SESTD1: variants seen among roughly 807,000 people sequenced by gnomAD.
SESTD1 encodes the protein SEC14 and spectrin domain containing 1.
SESTD1 carries 43 observed loss-of-function variants against 101.7 expected under a neutral mutation model. The observed-to-expected ratio is 0.42, with a 90% CI of 0.33 to 0.55. The LOEUF (loss-of-function observed/expected upper bound fraction) is 0.55, where lower values mean the gene tolerates loss of function less well. Ranked by LOEUF, SESTD1 falls within the 20% of genes least tolerant of loss-of-function variation. SESTD1 has a pLI of 0.07. For missense variants in SESTD1, 647 were observed against 815.1 expected, an observed-to-expected ratio of 0.79 and a Z score of 2.51; for synonymous variants, 283 against 286.8, an observed-to-expected ratio of 0.99 and a Z score of 0.13.
intron 5 of SESTD1, among the ~76,000 whole-genome samples, chr2:179,166,469 C>T (rs2045836869): frequency 6.6e-6 from 1 of 152,168 alleles, no homozygotes; most frequent in African/African-American, 2.4e-5. Context: ...AAAGAAAAGA[C>T]TATCACAGGG....
In SESTD1 at chr2:179,163,738, T is replaced by C. The variant is rs543556231; in HGVS notation, c.369+8382A>G. 5.9e-5 allele frequency among the ~76,000 whole-genome samples: 9 copies of C among 152,186 alleles called. No individual in the cohort carries two copies. In the South Asian group the frequency reaches 1.9e-3, roughly 32 times the overall value. On this transcript the variant is annotated intron_variant, in intron 5 of 17. Transcript: ENST00000428443. ...GCTAGAGAAGTTAAGACAAGACAAA[T>C]TAAATGACTAAACCACAATATTGTA...
chr2:179,164,678 G>C (rs1025902920), intron 5 of SESTD1, among the ~76,000 whole-genome samples: 1 of 152,156 alleles, frequency 6.6e-6, no homozygotes, highest in African/African-American at 2.4e-5. Context: ...AATGAGAGAT[G>C]AATATTCAAT....
intron 17 of SESTD1, among the ~76,000 whole-genome samples, chr2:179,110,388 A>C (rs555210391): frequency 1.3e-5 from 2 of 152,164 alleles, no homozygotes; most frequent in Non-Finnish European, 2.9e-5. Flanking sequence ...GGCTGGGGAC[A>C]CCACTTGTCT....
chr2:179,115,323 G>T, intron 15 of SESTD1, 67 bp from the exon 16 acceptor site: 2 of 1,256,120 alleles, frequency 1.6e-6, no homozygotes, highest in Non-Finnish European at 2.2e-6. Flanking sequence ...GGGAAAGTGT[G>T]CAGGAAGATT....
intron 10 of SESTD1, among the ~76,000 whole-genome samples, chr2:179,125,546 G>C (rs923240529): frequency 6.6e-6 from 1 of 152,184 alleles, no homozygotes. Flanking sequence ...CATCAGAAGG[G>C]TAACGTGCTG....
chr2:179,109,576 C>T lies in SESTD1; in HGVS notation c.*323G>A, dbSNP rs2044462174. On this transcript the variant is annotated 3_prime_UTR_variant, in exon 18 of 18. Transcript: ENST00000428443. Reference sequence around the variant, plus strand: ...TTTTTTCTTTTTAATAGAGAGAATTCCTACTCTTATTAGCACCATTCAAAG... The same window carrying T: ...TTTTTTCTTTTTAATAGAGAGAATTTCTACTCTTATTAGCACCATTCAAAG... The T allele has an allele frequency of 2.5e-6, 1 of 398,042 alleles. No individual in the cohort carries two copies. The highest frequency in any genetic ancestry group is 4.3e-5 in the Admixed American group (1 of 23,010). 24.7% of individuals were successfully genotyped at this position (398,042 alleles called of 1,614,324 possible). A position where few individuals can be genotyped will look rare whatever the true frequency, so the allele number is the denominator to read the frequency against.
intron 1 of SESTD1, among the ~76,000 whole-genome samples, chr2:179,192,780 G>C (rs1223858011): frequency 6.6e-6 from 1 of 152,128 alleles, no homozygotes; most frequent in Non-Finnish European, 1.5e-5. Flanking sequence ...CAACAAAAAT[G>C]AACAAAATCA....
chr2:179,216,060 C>T lies in SESTD1; in HGVS notation c.-25-24194G>A, dbSNP rs1280826781. On this transcript the variant is annotated intron_variant, in intron 1 of 17. Transcript: ENST00000428443. ...GAATGGGCAAAAACTGGAAGCATCC[C>T]CTTTGAAAACCTGCACAAGACAAGG... 4.4e-5 allele frequency among the ~76,000 whole-genome samples: 6 copies of T among 134,940 alleles called. 2 individuals carry two copies. Among genetic ancestry groups the T allele is most frequent in the African/African-American group, 1.8e-4 (6 of 34,162 alleles). The allele number at this position is 134,940 out of a possible 152,430, so 88.5% of individuals were successfully genotyped here.
chr2:179,189,039 C>T (rs1490912677), intron 2 of SESTD1, among the ~76,000 whole-genome samples: 1 of 151,968 alleles, frequency 6.6e-6, no homozygotes, highest in Non-Finnish European at 1.5e-5. Context: ...GAAATTATTC[C>T]AAAAAATTAA....
At chr2:179,185,721 G>GTATATTATATA in intron 2 of SESTD1, among the ~76,000 whole-genome samples, 2 of 111,562 alleles carry the variant, frequency 1.8e-5, no homozygotes, top group Non-Finnish European at 3.4e-5. Context: ...ATATAATATA[G>GTATATTATATA]CATATTATAT....
At chr2:179,122,800 G>T (rs748037440) in intron 12 of SESTD1, among the ~76,000 whole-genome samples, 1 of 152,134 alleles carries the variant, frequency 6.6e-6, no homozygotes, top group Non-Finnish European at 1.5e-5. Context: ...GGAAGCTGAG[G>T]CAGGAGAATC....
chr2:179,156,105 C>T (rs560542218), intron 5 of SESTD1, among the ~76,000 whole-genome samples: 67 of 147,786 alleles, frequency 4.5e-4, no homozygotes, highest in South Asian at 8.8e-4. Flanking sequence ...TTCCATCATA[C>T]GTGTATATAT....
intron 5 of SESTD1, among the ~76,000 whole-genome samples, chr2:179,165,128 A>G (rs77593278): frequency 0.057 from 8,717 of 152,228 alleles, 317 homozygotes; most frequent in South Asian, 0.11. Flanking sequence ...CAGCGTATTA[A>G]CCAGCATTTG....
intron 1 of SESTD1, among the ~76,000 whole-genome samples, chr2:179,213,088 C>A (rs1410587381): frequency 1.5e-5 from 2 of 135,064 alleles, no homozygotes; most frequent in Non-Finnish European, 3.2e-5. Context: ...ATCACCTCTT[C>A]TCCTACAAAG....
At chr2:179,151,227 A>G in intron 6 of SESTD1, 51 bp downstream of exon 6, 1 of 1,239,908 alleles carries the variant, frequency 8.1e-7, no homozygotes, top group South Asian at 1.8e-5. Flanking sequence ...AGTTATCAAA[A>G]TATATCTTAT....
chr2:179,252,418 C>T (rs2105556304), intron 1 of SESTD1, among the ~76,000 whole-genome samples: 1 of 152,264 alleles, frequency 6.6e-6, no homozygotes, highest in East Asian at 1.9e-4. Flanking sequence ...AAAGGTAATT[C>T]AAGATCTAGT....
chr2:179,222,275 C>T (rs1415096331), intron 1 of SESTD1, among the ~76,000 whole-genome samples: 2 of 152,308 alleles, frequency 1.3e-5, no homozygotes, highest in East Asian at 1.9e-4. Context: ...GTGTGACTCC[C>T]GGCCAGCCAC....
chr2:179,135,748 G>A (rs1157670882), intron 9 of SESTD1, among the ~76,000 whole-genome samples: 5 of 152,104 alleles, frequency 3.3e-5, no homozygotes, highest in African/African-American at 1.2e-4. Flanking sequence ...GTGAGACCCT[G>A]TCTCAAGAAA....
At chr2:179,188,246 G>GT (rs1175890396) in intron 2 of SESTD1, among the ~76,000 whole-genome samples, 2 of 152,134 alleles carry the variant, frequency 1.3e-5, no homozygotes, top group African/African-American at 4.8e-5. Context: ...AGATCACAGT[G>GT]TAACAGAAAT....
Sources: gnomAD v4.1 joint callset for allele counts (sites outside exome capture counted in the v4.1 genomes callset) on GRCh38, gnomAD v4.1.1 for gene constraint, MANE v1.5 for transcripts, NCBI Gene and HGNC (gene_info 2026-07-23, HGNC 2026-07-21) for gene names.